ANK2: variants seen among roughly 807,000 people sequenced by gnomAD.
ANK2 encodes the protein ankyrin 2, also known as ankyrin-2.
ANK2 carries 83 observed loss-of-function variants against 360.5 expected under a neutral mutation model. That is an observed-to-expected ratio of 0.23 (90% confidence interval 0.19 to 0.28). ANK2 has a LOEUF of 0.28. Ranked by LOEUF, ANK2 falls within the 10% of genes least tolerant of loss-of-function variation. ANK2 has a pLI of 1.00. For missense variants in ANK2, 4,201 were observed against 4,795.7 expected (o/e 0.88, Z 3.66); for synonymous variants, 1,740 against 1,759.5 (o/e 0.99, Z 0.28).
At chr4:113,232,093 G>A in intron 4 of ANK2, 68 bp from the exon 5 acceptor site, 1 of 1,114,518 alleles carries the variant, frequency 9.0e-7, no homozygotes, top group South Asian at 1.2e-5. Context: ...CTATGTCGAA[G>A]GTTTACTTCC....
intron 1 of ANK2, among the ~76,000 whole-genome samples, chr4:113,111,712 C>T (rs191767110): frequency 1.3e-5 from 2 of 152,132 alleles, no homozygotes; most frequent in East Asian, 1.9e-4. Flanking sequence ...GAAAAAAAAC[C>T]TTGTGAGCAA....
chr4:113,323,069 A>C (rs2087301250), intron 26 of ANK2, among the ~76,000 whole-genome samples: 1 of 152,166 alleles, frequency 6.6e-6, no homozygotes. Context: ...GTGAAAGCTT[A>C]TGGAGGGTTT....
chr4:113,210,655 A>G (rs2153451005), intron 4 of ANK2, among the ~76,000 whole-genome samples: 1 of 152,348 alleles, frequency 6.6e-6, no homozygotes, highest in East Asian at 1.9e-4. Flanking sequence ...ACAGGTAAGG[A>G]ATAATTACAG....
At chr4:113,022,938 T>A (rs2058485771) in intron 2 of ANK2, among the ~76,000 whole-genome samples, 1 of 152,092 alleles carries the variant, frequency 6.6e-6, no homozygotes, top group African/African-American at 2.4e-5. Context: ...ATTTTTTTTT[T>A]AAATTGCACA....
rs29410 is a variant in ANK2 at position 113,265,583 on chromosome 4, G to C, written c.1485+588G>C. ...CACTGAAGATTGCTTGATCAGACTT[G>C]TCCTGTTTCTAATAGCTTGTAATTC... On this transcript the variant is annotated intron_variant, in intron 14 of 45. Coordinates refer to ENST00000357077, the MANE Select transcript of ANK2 (RefSeq NM_001148.6). Among the ~76,000 whole-genome samples, 504 of 152,258 alleles carry C rather than the reference G, an allele frequency of 3.3e-3. 16 individuals are homozygous for C. The East Asian group carries it at 0.067, about 20-fold the overall frequency.
chr4:113,287,112 C>A (rs1456424647), intron 18 of ANK2, among the ~76,000 whole-genome samples: 1 of 152,126 alleles, frequency 6.6e-6, no homozygotes, highest in Non-Finnish European at 1.5e-5. Flanking sequence ...GAAAAGTATA[C>A]CCTCTTTGGG....
intron 4 of ANK2, among the ~76,000 whole-genome samples, chr4:113,231,503 A>G (rs1276754417): frequency 1.3e-5 from 2 of 152,238 alleles, no homozygotes; most frequent in South Asian, 4.1e-4. Context: ...AATGCAGAAG[A>G]TATTATATAG....
intron 1 of ANK2, among the ~76,000 whole-genome samples, chr4:113,067,811 T>TG (rs1467579876): frequency 6.6e-6 from 1 of 152,222 alleles, no homozygotes; most frequent in Admixed American, 6.5e-5. Flanking sequence ...ACTTTACATA[T>TG]GTGGCCCCAA....
chr4:112,985,349 GCTAA>G (rs2154275430), intron 2 of ANK2, among the ~76,000 whole-genome samples: 1 of 152,276 alleles, frequency 6.6e-6, no homozygotes, highest in Non-Finnish European at 1.5e-5. Context: ...CATTACAAAT[GCTAA>G]CTGTGAGTCT....
the ANK2 span, among the ~76,000 whole-genome samples, chr4:112,773,508 C>A: frequency 3.9e-5 from 6 of 152,210 alleles, no homozygotes; most frequent in Non-Finnish European, 7.3e-5. Context: ...CCCTTAGACT[C>A]TTTCCTAAAA....
At chr4:112,944,198 G>A (rs1216468980) in intron 2 of ANK2, among the ~76,000 whole-genome samples, 1 of 152,008 alleles carries the variant, frequency 6.6e-6, no homozygotes, top group Non-Finnish European at 1.5e-5. Flanking sequence ...ATTTATTATG[G>A]CTTTTTCCTA....
intron 2 of ANK2, among the ~76,000 whole-genome samples, chr4:113,019,421 C>G (rs2057482337): frequency 6.6e-6 from 1 of 152,086 alleles, no homozygotes; most frequent in African/African-American, 2.4e-5. Flanking sequence ...AGCCTTTGAT[C>G]ATATGGACAG....
chr4:113,354,023 C>T lies in ANK2; in HGVS notation c.5405C>T (p.Thr1802Ile), dbSNP rs775902252. 6.2e-7 allele frequency: 1 copy of T among 1,614,090 alleles called. No individual in the cohort carries two copies. Among genetic ancestry groups the T allele is most frequent in the Non-Finnish European group, 8.5e-7 (1 of 1,180,000 alleles). Residue 1802 changes from threonine to isoleucine, a missense_variant, in exon 38 of 46, where the codon ACC (threonine) becomes ATC (isoleucine). Thr to Ile is a moderately conservative substitution (Grantham distance 89, BLOSUM62 -1). Around this residue, in one of 4 missense-constraint regions of ANK2, gnomAD observed 2,642 missense variants for 2,714.5 expected, o/e 0.97. Coordinates refer to ENST00000357077, the MANE Select transcript of ANK2 (RefSeq NM_001148.6). ...AAGGAGGACGTGCCAAAAAAGACCACCCACAGGCCACATCCAGCTGCGTCA... is the reference window on the plus strand; with the variant it reads ...AAGGAGGACGTGCCAAAAAAGACCATCCACAGGCCACATCCAGCTGCGTCA... ...KGKEDVPKKT[T>I]HRPHPAASPS...
chr4:113,307,408 C>G (rs1401377671), intron 23 of ANK2, among the ~76,000 whole-genome samples: 1 of 129,588 alleles, frequency 7.7e-6, no homozygotes, highest in African/African-American at 2.9e-5. Context: ...GGGAGCCATT[C>G]CACCTTTTTT....
At position 113,255,774 on chromosome 4, in the gene ANK2, C is replaced by T; in HGVS notation, c.1030C>T (p.His344Tyr). 1 of 1,614,126 alleles carries T rather than the reference C, an allele frequency of 6.2e-7. No homozygotes were observed. Among genetic ancestry groups the T allele is most frequent in the Non-Finnish European group, 8.5e-7 (1 of 1,180,022 alleles). ...ACTACACATGGCTGCCCAGGGAGAC[C>T]ACGTGGAATGTGTGAAGCACCTGTT... ...SPLHMAAQGD[H>Y]VECVKHLLQH... Residue 344 changes from histidine (H) to tyrosine (Y), a missense_variant, in exon 11 of 46, where the codon CAC becomes TAC. This residue lies in a region of ANK2 where 122 missense variants were observed against 239.3 expected (regional missense o/e 0.51). Coordinates refer to ENST00000357077, the MANE Select transcript of ANK2 (RefSeq NM_001148.6).
intron 1 of ANK2, among the ~76,000 whole-genome samples, chr4:113,144,519 A>G (rs1357459092): frequency 6.6e-6 from 1 of 151,990 alleles, no homozygotes; most frequent in Non-Finnish European, 1.5e-5. Context: ...GTTTCTAAAT[A>G]TCTTCCACAT....
At chr4:112,999,765 A>AC (rs79329843) in intron 2 of ANK2, among the ~76,000 whole-genome samples, 25,481 of 151,828 alleles carry the variant, frequency 0.17, 2,115 homozygotes, top group African/African-American at 0.22. Flanking sequence ...TTTTATTTGA[A>AC]CCCCCTGGAA....
At chr4:112,829,014 G>A (rs903157130) in intron 1 of ANK2, among the ~76,000 whole-genome samples, 9 of 152,090 alleles carry the variant, frequency 5.9e-5, no homozygotes, top group Non-Finnish European at 1.2e-4. Context: ...AAAATTAGCC[G>A]GGCGTGGTGG....
rs115384981 is a variant in ANK2 at position 113,369,213 on chromosome 4, A to G, written c.11319-301A>G. On this transcript the variant is annotated intron_variant, in intron 42 of 45. Coordinates refer to ENST00000357077, the MANE Select transcript of ANK2 (RefSeq NM_001148.6). ...CAATATCACCTTGAGTTATAAAAGA[A>G]AAGATGAAACTATAACTTATATACA... Among the ~76,000 whole-genome samples, 1,208 of 152,324 alleles carry G rather than the reference A, an allele frequency of 7.9e-3. 16 individuals are homozygous for G. The highest frequency in any genetic ancestry group is 0.028 in the African/African-American group (1,145 of 41,570).
Sources: allele counts gnomAD v4.1 joint callset (sites outside exome capture counted in the v4.1 genomes callset), GRCh38; gene constraint gnomAD v4.1.1; regional missense constraint gnomAD v4.1.1; transcripts MANE v1.5; gene names NCBI Gene and HGNC (gene_info 2026-07-23, HGNC 2026-07-21).